The following DUX4 variants were observed in gnomAD, a reference collection of about 807,000 sequenced individuals.
DUX4 encodes double homeobox 4.
chr4:190,178,368 A>AGCCAAGGCAAGAGTTAAATCACTTTT, downstream of DUX4, among the ~76,000 whole-genome samples: 1 of 151,800 alleles, frequency 6.6e-6, no homozygotes, highest in South Asian at 2.1e-4. Context: ...CTGTAGGCAA[A>AGCCAAGGCAAGAGTTAAATCACTTTT]GCCTAGGCAA....
downstream of DUX4, among the ~76,000 whole-genome samples, chr4:190,180,107 G>A (rs1742531525): frequency 4.3e-4 from 27 of 62,452 alleles, no homozygotes; most frequent in East Asian, 2.1e-3. Flanking sequence ...GATCAGTGCA[G>A]AAATATGTGA....
At chr4:190,177,788 G>C (rs1579833318), downstream of DUX4, among the ~76,000 whole-genome samples, 88 of 144,250 alleles carry the variant, frequency 6.1e-4, no homozygotes, top group South Asian at 6.6e-4. Context: ...GATCAGTGCA[G>C]AGTTATGTCA....
At chr4:190,179,510 AGCCC>A (rs1742500041), downstream of DUX4, among the ~76,000 whole-genome samples, 1 of 125,272 alleles carries the variant, frequency 8.0e-6, no homozygotes, top group Non-Finnish European at 1.9e-5. Flanking sequence ...ATATGTCACA[AGCCC>A]CCTGTAGGCA....
At chr4:190,175,484 G>A (rs1330072183) in intron 1 of DUX4, among the ~76,000 whole-genome samples, 163 bp from the exon 2 acceptor site, 1 of 21,700 alleles carries the variant, frequency 4.6e-5, no homozygotes, top group Non-Finnish European at 1.3e-4. Flanking sequence ...ACCGGGCCCC[G>A]CGCAGCGTCC....
chr4:190,179,068 TACTTGGGTGA>T (rs1742476487), downstream of DUX4, among the ~76,000 whole-genome samples: 1 of 13,004 alleles, frequency 7.7e-5, no homozygotes, highest in Non-Finnish European at 1.6e-4. Flanking sequence ...AGAGTCCCAT[TACTTGGGTGA>T]TCAGTGCAGA....
At chr4:190,177,475 CA>C (rs1742369653), downstream of DUX4, among the ~76,000 whole-genome samples, 1 of 135,122 alleles carries the variant, frequency 7.4e-6, no homozygotes, top group Admixed American at 7.8e-5. Flanking sequence ...CCCCTGTAGA[CA>C]AATCCCAGAA....
chr4:190,176,187 A>T (rs1742296458), downstream of DUX4, among the ~76,000 whole-genome samples: 4 of 113,114 alleles, frequency 3.5e-5, 2 homozygotes, highest in Admixed American at 4.3e-4. Context: ...AAACCTTGAC[A>T]AGGGTTACAT....
At chr4:190,176,516 C>G, downstream of DUX4, among the ~76,000 whole-genome samples, 1 of 104,354 alleles carries the variant, frequency 9.6e-6, no homozygotes, top group South Asian at 3.7e-4. Context: ...CCCGTGTAGG[C>G]AGAGCCTAGA....
chr4:190,178,056 CAGTG>C, downstream of DUX4, among the ~76,000 whole-genome samples: 1 of 147,628 alleles, frequency 6.8e-6, no homozygotes, highest in East Asian at 2.0e-4. Context: ...CCTCGGTGAT[CAGTG>C]CAGAGATACG....
chr4:190,179,793 GC>G (rs1742512858), downstream of DUX4, among the ~76,000 whole-genome samples: 1 of 147,260 alleles, frequency 6.8e-6, no homozygotes, highest in Admixed American at 6.8e-5. Context: ...GCCCCTGTAG[GC>G]AAGCCTACAC....
At chr4:190,179,796 AG>A (rs1742513532), downstream of DUX4, among the ~76,000 whole-genome samples, 48 of 21,202 alleles carry the variant, frequency 2.3e-3, no homozygotes, top group African/African-American at 4.8e-3. Context: ...CCTGTAGGCA[AG>A]CCTACACAAG....
At chr4:190,178,365 C>CAAAGCCTAGGTAAG (rs1742420989), downstream of DUX4, among the ~76,000 whole-genome samples, 1 of 151,038 alleles carries the variant, frequency 6.6e-6, no homozygotes, top group Non-Finnish European at 1.5e-5. Context: ...CCCCTGTAGG[C>CAAAGCCTAGGTAAG]AAAGCCTAGG....
chr4:190,178,247 C>T (rs1742412788), downstream of DUX4, among the ~76,000 whole-genome samples: 1 of 151,654 alleles, frequency 6.6e-6, no homozygotes, highest in African/African-American at 2.4e-5. Context: ...AGAAGAGTTG[C>T]ATCACCTGGG....
At chr4:190,179,268 T>C, downstream of DUX4, among the ~76,000 whole-genome samples, 3 of 151,740 alleles carry the variant, frequency 2.0e-5, no homozygotes, top group African/African-American at 7.3e-5. Flanking sequence ...AGACAAGAGT[T>C]ACATGACCTG....
chr4:190,179,794 C>CCGTGG (rs1742512944), downstream of DUX4, among the ~76,000 whole-genome samples: 1 of 5,886 alleles, frequency 1.7e-4, no homozygotes, highest in Non-Finnish European at 3.5e-4. Flanking sequence ...CCCCTGTAGG[C>CCGTGG]AAGCCTACAC....
intron 1 of DUX4, among the ~76,000 whole-genome samples, chr4:190,184,339 C>CTT (rs1212886281): frequency 1.1e-3 from 45 of 40,440 alleles, no homozygotes; most frequent in African/African-American, 2.3e-3. Flanking sequence ...AACAGAGATC[C>CTT]TTTTTTTTTT....
chr4:190,181,492 G>A (rs1579837519), intron 1 of DUX4, among the ~76,000 whole-genome samples: 617 of 87,568 alleles, frequency 7.0e-3, no homozygotes, highest in African/African-American at 0.01. Flanking sequence ...TACGTCACAA[G>A]GCCCCCTATA....
chr4:190,177,324 A>T, downstream of DUX4, among the ~76,000 whole-genome samples: 1 of 146,356 alleles, frequency 6.8e-6, no homozygotes, highest in South Asian at 2.2e-4. Context: ...AGTATGTCAC[A>T]AAGCCCCTGT....
rs1268534984 is a variant in DUX4 at position 190,181,858 on chromosome 4, CA to C, written n.93-3479del. Among the ~76,000 whole-genome samples, 19 of 80,904 alleles carry C rather than the reference CA, an allele frequency of 2.3e-4. No individual in the cohort carries two copies. In the East Asian group the frequency reaches 7.2e-3, roughly 31 times the overall value. The allele number at this position is 80,904 out of a possible 152,430, so 53.1% of individuals were successfully genotyped here. ...ATCCCCCAAGTAAGCAGAGCCTAGA[CA>C]AAAGTTACATCATCTGGGCGATCAG... On this transcript the variant is annotated intron_variant and non_coding_transcript_variant, in intron 1 of 2. Coordinates refer to the DUX4 transcript ENST00000563716.
Sources: allele counts gnomAD v4.1 joint callset (sites outside exome capture counted in the v4.1 genomes callset), GRCh38; gene constraint gnomAD v4.1.1; transcripts MANE v1.5; gene names NCBI Gene and HGNC (gene_info 2026-07-23, HGNC 2026-07-21).